Variants in NOD2 observed in about 807,000 individuals in gnomAD.
The protein encoded by NOD2 is nucleotide binding oligomerization domain containing 2, also known as nucleotide-binding oligomerization domain-containing protein 2.
A neutral mutation model predicts 90.9 loss-of-function variants in NOD2; 86 were observed. The observed-to-expected ratio is 0.95, with a 90% CI of 0.79 to 1.13. The LOEUF is 1.13. Ranked by LOEUF, NOD2 falls within the 50% of genes most tolerant of loss-of-function variation. The pLI is 0.00. For missense variants in NOD2, 1,238 were observed against 1,283.8 expected (o/e 0.96, Z 0.55); for synonymous variants, 581 against 554.6 (o/e 1.05, Z -0.67).
At chr16:50,697,085 G>A in intron 1 of NOD2, 1 of 708,564 alleles carries the variant, frequency 1.4e-6, no homozygotes, top group Non-Finnish European at 2.5e-6. Flanking sequence ...AGGCTGGTTG[G>A]CCAACTCTGG....
chr16:50,714,602 C>CTGTG (rs67559630), intron 4 of NOD2, among the ~76,000 whole-genome samples: 9,104 of 135,874 alleles, frequency 0.067, 369 homozygotes, highest in African/African-American at 0.11. Flanking sequence ...TGTGAGTGCA[C>CTGTG]TGTGTGTGTG....
In NOD2 at chr16:50,710,008, C is replaced by T. The variant is rs34133110; in HGVS notation, c.566-550C>T. 0.34 allele frequency: 154,849 copies of T among 455,762 alleles called. 28,641 individuals are homozygous for T. Among genetic ancestry groups the T allele is most frequent in the Non-Finnish European group, 0.39 (89,238 of 226,694 alleles). The allele number at this position is 455,762 out of a possible 1,614,324, so 28.2% of individuals were successfully genotyped here. A position where few individuals can be genotyped will look rare whatever the true frequency, so the allele number is the denominator to read the frequency against. The stretch of plus-strand genomic sequence containing the variant: ...CAAGTGTATGGTGGACCCAGGTTTT[C>T]AAACTCAGGTGTGTCTGGCTTCAGA... On this transcript the variant is annotated intron_variant, in intron 3 of 11. Transcript: ENST00000647318.
rs199475911 is a variant in NOD2 at position 50,697,467 on chromosome 16, T to C, written c.-8-2021T>C. 1.7e-5 allele frequency: 13 copies of C among 779,964 alleles called. No homozygotes were observed. Among genetic ancestry groups the C allele is most frequent in the Admixed American group, 1.4e-4 (7 of 49,862 alleles). 48.3% of individuals were successfully genotyped at this position (779,964 alleles called of 1,614,324 possible). On this transcript the variant is annotated intron_variant, in intron 1 of 11. Transcript: ENST00000647318. ...GGGAGAATGGGTCGGCGGGTTTTTT[T>C]CCCCAGGACCTGGGCAGGGTCAATG...
chr16:50,727,743 C>T, intron 10 of NOD2: 2 of 346,854 alleles, frequency 5.8e-6, no homozygotes, highest in Non-Finnish European at 1.1e-5. Flanking sequence ...AGAATTGGAC[C>T]CTTTCTGTTG....
At position 50,723,322 on chromosome 16, in the gene NOD2, C is replaced by T. The variant is rs372443143; in HGVS notation, c.2739C>T (p.Gly913=). The part of the protein sequence containing the change: ...RWLSLVGNNI[G]SVGAQALALM... ...CCAGCCTGGTGGGGAACAACATTGGCAGTGTGGGTGCCCAAGCCTTGGCAC... is the reference window on the plus strand; with the variant it reads ...CCAGCCTGGTGGGGAACAACATTGGTAGTGTGGGTGCCCAAGCCTTGGCAC... Residue 913 remains glycine, a synonymous_variant, in exon 9 of 12, where the codon GGC becomes GGT. Transcript: ENST00000647318. 1 of 1,613,632 alleles carries T rather than the reference C, an allele frequency of 6.2e-7. No individual in the cohort carries two copies. Among genetic ancestry groups the T allele is most frequent in the Non-Finnish European group, 8.5e-7 (1 of 1,179,834 alleles).
Position 50,711,538 on chromosome 16 carries a change from C to T in NOD2, c.1546C>T (p.Arg516Cys), listed in dbSNP as rs545580252. Residue 516 changes from arginine to cysteine, a missense_variant, in exon 4 of 12, where the codon CGC (arginine) becomes TGC (cysteine). By Grantham distance (180) the Arg-to-Cys change is radical (BLOSUM62 -3). Around this residue, in one of 3 missense-constraint regions of NOD2, gnomAD observed 667 missense variants for 688.7 expected, o/e 0.97. Coordinates refer to ENST00000647318, the MANE Select transcript of NOD2 (RefSeq NM_001370466.1). ...TCTGGGACCCAGTCTTCTTCGGGGC[C>T]GCCTCCCCACCCTCCTGCACCTGGG... ...QGLGPSLLRG[R>C]LPTLLHLGRL... The T allele has an allele frequency of 2.5e-5, 41 of 1,612,836 alleles. No homozygotes were observed. Among genetic ancestry groups the T allele is most frequent in the African/African-American group, 8.0e-5 (6 of 75,056 alleles).
At chr16:50,705,124 A>G (rs560255230) in intron 2 of NOD2, among the ~76,000 whole-genome samples, 3 of 152,158 alleles carry the variant, frequency 2.0e-5, no homozygotes, top group South Asian at 2.1e-4. Context: ...CTACTTTTCT[A>G]TGATAGTCAC....
chr16:50,726,258 T>C (rs1036116397), intron 10 of NOD2, among the ~76,000 whole-genome samples: 1 of 152,174 alleles, frequency 6.6e-6, no homozygotes, highest in East Asian at 1.9e-4. Flanking sequence ...AAAATTCTTA[T>C]TTCAAGTAGA....
chr16:50,703,683 C>CAAAAA (rs1043742883), intron 2 of NOD2, among the ~76,000 whole-genome samples: 1 of 56,420 alleles, frequency 1.8e-5, no homozygotes, highest in African/African-American at 5.5e-5. Context: ...GACTCTGTCT[C>CAAAAA]AAAAAAAAAA....
Position 50,725,831 on chromosome 16 carries a change from T to A in NOD2, c.2885+259T>A, listed in dbSNP as rs534280838. Among the ~76,000 whole-genome samples the A allele has an allele frequency of 2.0e-5, 3 of 152,220 alleles. No individual in the cohort carries two copies. The East Asian group carries it at 5.8e-4, about 29-fold the overall frequency. On this transcript the variant is annotated intron_variant, in intron 10 of 11. Transcript: ENST00000647318. ...CAATAAAGGGGAGTTATCAAGCCAGTTATCAATGAGGGAAATTGGAGCTCA... is the reference window on the plus strand; with the variant it reads ...CAATAAAGGGGAGTTATCAAGCCAGATATCAATGAGGGAAATTGGAGCTCA...
At chr16:50,700,075 A>G in intron 2 of NOD2, 121 bp downstream of exon 2, 2 of 890,524 alleles carry the variant, frequency 2.2e-6, no homozygotes, top group Non-Finnish European at 3.6e-6. Context: ...TTCCCCTAAA[A>G]AGGTAGCCAG....
In NOD2 at chr16:50,699,893, G is replaced by A. The variant is rs751647609; in HGVS notation, c.398G>A (p.Gly133Asp). 6.8e-6 allele frequency: 11 copies of A among 1,612,632 alleles called. No individual in the cohort carries two copies. Among genetic ancestry groups the A allele is most frequent in the Non-Finnish European group, 9.3e-6 (11 of 1,180,014 alleles). ...ATGCTGGACCTGGCATGGGAGCGGG[G>A]TTTCGTCAGCCAGTATGAATGTGAT... ...ENMLDLAWER[G>D]FVSQYECDEI... The change falls in exon 2 of 12, where the codon GGT becomes GAT. Residue 133 changes from glycine (G) to aspartate (D), a missense_variant. Physicochemically the swap from Gly to Asp is moderately conservative, Grantham distance 94 (BLOSUM62 -1). This residue lies in a region of NOD2 where 567 missense variants were observed against 577.3 expected (regional missense o/e 0.98). Transcript: ENST00000647318.
chr16:50,708,176 T>C (rs994665826), intron 3 of NOD2, among the ~76,000 whole-genome samples: 2 of 152,232 alleles, frequency 1.3e-5, no homozygotes, highest in Non-Finnish European at 2.9e-5. Flanking sequence ...TTAGCTTTCA[T>C]TATCTCCCAC....
In NOD2 at chr16:50,711,517, G is replaced by T. The variant is rs991697483; in HGVS notation, c.1525G>T (p.Gly509Ter). 1 of 1,613,262 alleles carries T rather than the reference G, an allele frequency of 6.2e-7. No individual in the cohort carries two copies. The highest frequency in any genetic ancestry group is 8.5e-7 in the Non-Finnish European group (1 of 1,179,998). Residue 509 changes from glycine (G) to a stop codon, truncating the protein, a stop_gained, in exon 4 of 12, where the codon GGA becomes TGA. Transcript: ENST00000647318. LOFTEE classifies it high-confidence loss of function. ...CCCAGACTCAGCTTCCCAAGGTCTG[G>T]GACCCAGTCTTCTTCGGGGCCGCCT... ...TPPDSASQGLGPSLLRGRLPT... is the reference protein window; with the variant it reads ...TPPDSASQGL
chr16:50,729,951 T>C (rs376340258), intron 11 of NOD2, 50 bp downstream of exon 11: 17 of 1,408,260 alleles, frequency 1.2e-5, no homozygotes, highest in Admixed American at 1.7e-5. Flanking sequence ...TCAGTTTTTC[T>C]ATCTGTAAAA....
rs773811702 is a variant in NOD2 at position 50,711,494 on chromosome 16, C to G, written c.1502C>G (p.Pro501Arg). ...LQHFLLHATP[P>R]DSASQGLGPS... ...CATTTTCTGCTGCATGCCACCCCCCCAGACTCAGCTTCCCAAGGTCTGGGA... is the reference window on the plus strand; with the variant it reads ...CATTTTCTGCTGCATGCCACCCCCCGAGACTCAGCTTCCCAAGGTCTGGGA... The change falls in exon 4 of 12, where the codon CCA becomes CGA. Residue 501 changes from proline to arginine, a missense_variant. Around this residue, in one of 3 missense-constraint regions of NOD2, gnomAD observed 667 missense variants for 688.7 expected, o/e 0.97. Transcript: ENST00000647318. 2 of 1,613,378 alleles carry G rather than the reference C, an allele frequency of 1.2e-6. No homozygotes were observed. The highest frequency in any genetic ancestry group is 2.2e-5 in the East Asian group (1 of 44,888).
chr16:50,697,139 G>A, intron 1 of NOD2: 1 of 1,016,352 alleles, frequency 9.8e-7, no homozygotes, highest in Non-Finnish European at 1.5e-6. Context: ...GGTGGGGTTG[G>A]TAGACAGATC....
Position 50,712,365 on chromosome 16 carries a change from G to C in NOD2, c.2373G>C (p.Lys791Asn), listed in dbSNP as rs539311609. Residue 791 changes from lysine to asparagine, a missense_variant, in exon 4 of 12, where the codon AAG becomes AAC. Lys to Asn is a moderately conservative substitution (Grantham distance 94). This residue lies in a region of NOD2 where 667 missense variants were observed against 688.7 expected (regional missense o/e 0.97). Coordinates refer to ENST00000647318, the MANE Select transcript of NOD2 (RefSeq NM_001370466.1). ...TGCTGCCTTGCCTTGGTGTCTGCAA[G>C]GCTCTGTAGTGAGTGTTACTGGGCA... ...EQLLPCLGVC[K>N]ALYLRDNNIS... The C allele has an allele frequency of 6.2e-7, 1 of 1,613,796 alleles. No homozygotes were observed. The highest frequency in any genetic ancestry group is 1.1e-5 in the South Asian group (1 of 91,074).
At chr16:50,716,224 G>T (rs79824136) in intron 4 of NOD2, among the ~76,000 whole-genome samples, 1 of 152,190 alleles carries the variant, frequency 6.6e-6, no homozygotes. Context: ...TGCACCTTTC[G>T]CATATATCAG....
Sources: allele counts gnomAD v4.1 joint callset (sites outside exome capture counted in the v4.1 genomes callset), GRCh38; gene constraint gnomAD v4.1.1; regional missense constraint gnomAD v4.1.1; transcripts MANE v1.5; gene names NCBI Gene and HGNC (gene_info 2026-07-23, HGNC 2026-07-21).